The following AQP4 variants were observed in gnomAD, a reference collection of about 807,000 sequenced individuals.
AQP4 encodes the protein aquaporin 4.
AQP4 carries 18 observed loss-of-function variants against 27.8 expected under a neutral mutation model. The observed-to-expected ratio is 0.65, with a 90% CI of 0.45 to 0.96. AQP4 has a LOEUF of 0.96. Among genes scored for constraint, AQP4 ranks in the 40% least tolerant of loss-of-function variants. The pLI is 0.00. For missense variants in AQP4, 412 were observed against 408.2 expected (o/e 1.01, Z -0.08); for synonymous variants, 141 against 142.9 (o/e 0.99, Z 0.10).
At position 26,852,045 on chromosome 18, in the gene AQP4, T is replaced by C. The variant is rs2054759704; in HGVS notation, c.*4166A>G. On this transcript the variant is annotated 3_prime_UTR_variant, in exon 5 of 5. Coordinates refer to ENST00000383168, the MANE Select transcript of AQP4 (RefSeq NM_001650.7). ...TTTTAACTTCATCAAACATAATGTT[T>C]ACCTTTTAAAACATCCAAATGTTTA... 2 of 152,246 alleles carry C rather than the reference T, an allele frequency of 1.3e-5. No individual in the cohort carries two copies. The allele number at this position is 152,246 out of a possible 1,614,324, so 9.4% of individuals were successfully genotyped here.
At chr18:26,861,403 A>G in intron 2 of AQP4, 108 bp from the exon 3 acceptor site, 5 of 1,126,882 alleles carry the variant, frequency 4.4e-6, no homozygotes, top group Non-Finnish European at 5.2e-6. Flanking sequence ...AAGTAAAGGT[A>G]AGTCTTCTAC....
intron 4 of AQP4, among the ~76,000 whole-genome samples, chr18:26,857,335 T>A (rs1446549504): frequency 7.7e-6 from 1 of 129,560 alleles, no homozygotes; most frequent in Non-Finnish European, 1.7e-5. Flanking sequence ...ATTATTATTA[T>A]TATTAATTTT....
At position 26,862,574 on chromosome 18, in the gene AQP4, T is replaced by G. The variant is rs371918868; in HGVS notation, c.55A>C (p.Arg19=). The change falls in exon 2 of 5, where the codon AGA becomes CGA. Residue 19 remains arginine, a synonymous_variant. Coordinates refer to ENST00000383168, the MANE Select transcript of AQP4 (RefSeq NM_001650.7). ...TTGAAAGCCACCATGATGTTCTCTC[T>G]GGTACACAAAGGTCCACACTTACTG... ...RWGKCGPLCT[R]ENIMVAFKGV... is the part of the protein sequence containing the mutation. 1 of 1,614,068 alleles carries G rather than the reference T, an allele frequency of 6.2e-7. No homozygotes were observed. The highest frequency in any genetic ancestry group is 1.7e-5 in the Admixed American group (1 of 60,022).
In AQP4 at chr18:26,864,416, G is replaced by A. The variant is rs565267482; in HGVS notation, c.32+1242C>T. On this transcript the variant is annotated intron_variant, in intron 1 of 4. Coordinates refer to ENST00000383168, the MANE Select transcript of AQP4 (RefSeq NM_001650.7). ...GAAGAGCTGGCTCCACAGGGGGGTGGCCAGCCACATCCCACGCATCCCCTG... is the reference window on the plus strand; with the variant it reads ...GAAGAGCTGGCTCCACAGGGGGGTGACCAGCCACATCCCACGCATCCCCTG... Among the ~76,000 whole-genome samples the A allele has an allele frequency of 4.6e-5, 7 of 152,204 alleles. No homozygotes were observed. The East Asian group carries it at 1.2e-3, about 25-fold the overall frequency.
rs145725871 is a variant in AQP4, at chr18:26,856,088, A to G, written c.*123T>C. On this transcript the variant is annotated 3_prime_UTR_variant, in exon 5 of 5. Transcript: ENST00000383168. The stretch of plus-strand genomic sequence containing the variant: ...AAATATTTATTGTTTAGACTGAGTA[A>G]TATGACATGAAACAACAAACCTGCA... 8.3e-5 allele frequency: 99 copies of G among 1,190,676 alleles called. 5 individuals are homozygous for G. The South Asian group carries it at 1.2e-3, about 14-fold the overall frequency. 73.8% of individuals were successfully genotyped at this position (1,190,676 alleles called of 1,614,324 possible).
At chr18:26,864,003 G>T (rs887429369) in intron 1 of AQP4, among the ~76,000 whole-genome samples, 1 of 152,108 alleles carries the variant, frequency 6.6e-6, no homozygotes, top group South Asian at 2.1e-4. Flanking sequence ...TTGGGGGGGG[G>T]GGGCAATTAC....
chr18:26,864,001 G>T (rs151243), intron 1 of AQP4, among the ~76,000 whole-genome samples: 21 of 152,132 alleles, frequency 1.4e-4, no homozygotes, highest in Non-Finnish European at 2.6e-4. Context: ...TTTTGGGGGG[G>T]GGGGGCAATT....
intron 1 of AQP4, among the ~76,000 whole-genome samples, chr18:26,864,493 C>A (rs914237921): frequency 3.9e-5 from 6 of 152,082 alleles, no homozygotes; most frequent in Admixed American, 1.3e-4. Flanking sequence ...GGGATGACAA[C>A]GACATCATAC....
rs1469973982 is a variant in AQP4 at position 26,855,994 on chromosome 18, TA to T, written c.*216del. 1.7e-6 allele frequency: 1 copy of T among 605,242 alleles called. No individual in the cohort carries two copies. Among genetic ancestry groups the T allele is most frequent in the East Asian group, 3.1e-5 (1 of 32,658 alleles). The allele number at this position is 605,242 out of a possible 1,614,324, so 37.5% of individuals were successfully genotyped here. A position where few individuals can be genotyped will look rare whatever the true frequency, so the allele number is the denominator to read the frequency against. On this transcript the variant is annotated 3_prime_UTR_variant, in exon 5 of 5. Transcript: ENST00000383168. Reference sequence around the variant, plus strand: ...GGTATATATTTGCTTAAGAACATTTTAAAAATATTTCTTTTTTTAGATTTGG... The same window carrying T: ...GGTATATATTTGCTTAAGAACATTTTAAAATATTTCTTTTTTTAGATTTGG...
rs908352622 is a variant in AQP4 at position 26,855,338 on chromosome 18, G to A, written c.*873C>T. Reference sequence around the variant, plus strand: ...TAAAAATAAGCAAAGTGGTAAAGGGGTTAAAAGCTTAGATCGTAAAACTGG... The same window carrying A: ...TAAAAATAAGCAAAGTGGTAAAGGGATTAAAAGCTTAGATCGTAAAACTGG... On this transcript the variant is annotated 3_prime_UTR_variant, in exon 5 of 5. Transcript: ENST00000383168. 6.6e-6 allele frequency: 1 copy of A among 152,196 alleles called. No homozygotes were observed. The highest frequency in any genetic ancestry group is 1.5e-5 in the Non-Finnish European group (1 of 68,034). The allele number at this position is 152,196 out of a possible 1,614,324, so 9.4% of individuals were successfully genotyped here. A position where few individuals can be genotyped will look rare whatever the true frequency, so the allele number is the denominator to read the frequency against.
chr18:26,863,064 C>G (rs112481323), intron 1 of AQP4: 9,514 of 194,410 alleles, frequency 0.049, 851 homozygotes, highest in African/African-American at 0.2. Flanking sequence ...GAAAATCTCC[C>G]CCTCCCCCCA....
Position 26,856,393 on chromosome 18 carries a change from C to T in AQP4, c.790G>A (p.Glu264Lys). The T allele has an allele frequency of 1.2e-6, 2 of 1,614,230 alleles. No homozygotes were observed. Among genetic ancestry groups the T allele is most frequent in the Non-Finnish European group, 1.7e-6 (2 of 1,180,048 alleles). ...PDVEFKRRFKEAFSKAAQQTK... is the reference protein window; with the variant it reads ...PDVEFKRRFKKAFSKAAQQTK... ...TGCTGGGCAGCTTTGCTGAAGGCTT[C>T]TTTAAAACGACGTTTGAATTCAACA... is the stretch of plus-strand genomic sequence containing the variant. The change falls in exon 5 of 5, where the codon GAA (glutamate) becomes AAA (lysine). Residue 264 changes from glutamate (E) to lysine (K), a missense_variant. Transcript: ENST00000383168.
intron 4 of AQP4, 40 bp downstream of exon 4, chr18:26,860,732 T>A (rs1226796470): frequency 1.3e-6 from 2 of 1,557,120 alleles, no homozygotes; most frequent in South Asian, 2.2e-5. Flanking sequence ...GTAATTGTCC[T>A]CAACTGTAGG....
rs2054797218 is a variant in AQP4, at chr18:26,853,952, A to G, written c.*2259T>C. 1 of 152,190 alleles carries G rather than the reference A, an allele frequency of 6.6e-6. No homozygotes were observed. The highest frequency in any genetic ancestry group is 1.5e-5 in the Non-Finnish European group (1 of 68,028). 9.4% of individuals were successfully genotyped at this position (152,190 alleles called of 1,614,324 possible). A position where few individuals can be genotyped will look rare whatever the true frequency, so the allele number is the denominator to read the frequency against. ...CTTGAAATCATACTTCCTATTAAAT[A>G]TTGAGCAAAATAAAGATTAAAAGAA... On this transcript the variant is annotated 3_prime_UTR_variant, in exon 5 of 5. Transcript: ENST00000383168.
intron 3 of AQP4, 122 bp from the exon 4 acceptor site, chr18:26,860,974 A>C: frequency 7.3e-7 from 1 of 1,362,912 alleles, no homozygotes; most frequent in Non-Finnish European, 1.0e-6. Context: ...CAGCTATATC[A>C]ACATTCTCAT....
chr18:26,864,031 C>T (rs2055011046), intron 1 of AQP4, among the ~76,000 whole-genome samples: 1 of 151,730 alleles, frequency 6.6e-6, no homozygotes, highest in Non-Finnish European at 1.5e-5. Flanking sequence ...ACCCTATCAT[C>T]TAAGACTTTT....
At position 26,852,809 on chromosome 18, in the gene AQP4, T is replaced by G. The variant is rs946185321; in HGVS notation, c.*3402A>C. 5.0e-6 allele frequency: 2 copies of G among 398,404 alleles called. No individual in the cohort carries two copies. The highest frequency in any genetic ancestry group is 8.8e-5 in the Admixed American group (2 of 22,712). 24.7% of individuals were successfully genotyped at this position (398,404 alleles called of 1,614,324 possible). A position where few individuals can be genotyped will look rare whatever the true frequency, so the allele number is the denominator to read the frequency against. ...CAAATTCTATAGTGCTTATGAGAAT[T>G]TATATTGGCTTTTATATTGTTTGAT... On this transcript the variant is annotated 3_prime_UTR_variant, in exon 5 of 5. Coordinates refer to ENST00000383168, the MANE Select transcript of AQP4 (RefSeq NM_001650.7).
chr18:26,852,556 C>A lies in AQP4; in HGVS notation c.*3655G>T, dbSNP rs983947953. ...TGCAAAGATGGCCACAATTTTTGATCCTTGAATTAAATGTCTTTCATTTAT... is the reference window on the plus strand; with the variant it reads ...TGCAAAGATGGCCACAATTTTTGATACTTGAATTAAATGTCTTTCATTTAT... On this transcript the variant is annotated 3_prime_UTR_variant, in exon 5 of 5. Transcript: ENST00000383168. 8 of 335,748 alleles carry A rather than the reference C, an allele frequency of 2.4e-5. No homozygotes were observed. Among genetic ancestry groups the A allele is most frequent in the African/African-American group, 1.5e-4 (7 of 47,470 alleles). 20.8% of individuals were successfully genotyped at this position (335,748 alleles called of 1,614,324 possible).
In AQP4 at chr18:26,855,975, T is replaced by C; in HGVS notation, c.*236A>G. ...AAGGTAACTAGATAAAATAGGTATA[T>C]ATTTGCTTAAGAACATTTTAAAAAT... On this transcript the variant is annotated 3_prime_UTR_variant, in exon 5 of 5. Transcript: ENST00000383168. 1.9e-6 allele frequency: 1 copy of C among 536,840 alleles called. No individual in the cohort carries two copies. The highest frequency in any genetic ancestry group is 2.1e-5 in the South Asian group (1 of 46,900). 33.3% of individuals were successfully genotyped at this position (536,840 alleles called of 1,614,324 possible).
Sources: allele counts gnomAD v4.1 joint callset (sites outside exome capture counted in the v4.1 genomes callset), GRCh38; gene constraint gnomAD v4.1.1; transcripts MANE v1.5; gene names NCBI Gene and HGNC (gene_info 2026-07-23, HGNC 2026-07-21).